SRGAP3: variants seen among roughly 807,000 people sequenced by gnomAD.
SRGAP3 encodes SLIT-ROBO Rho GTPase-activating protein 3.
SRGAP3 carries 39 observed loss-of-function variants against 121.1 expected under a neutral mutation model. That is an observed-to-expected ratio of 0.32 (90% CI 0.25 to 0.42). The LOEUF is 0.42. Ranked by LOEUF, SRGAP3 falls within the 10% of genes least tolerant of loss-of-function variation. SRGAP3 has a pLI of 1.00. For missense variants in SRGAP3, 1,213 were observed against 1,470.6 expected, an observed-to-expected ratio of 0.82 and a Z score of 2.86; for synonymous variants, 601 against 570.0, an observed-to-expected ratio of 1.05 and a Z score of -0.77.
intron 11 of SRGAP3, 29 bp from the exon 12 acceptor site, chr3:9,032,781 A>C: frequency 6.3e-7 from 1 of 1,590,852 alleles, no homozygotes; most frequent in Non-Finnish European, 8.6e-7. Flanking sequence ...AAAGAAATCA[A>C]GAAAGCAACC....
chr3:9,110,771 A>T (rs551776766), intron 2 of SRGAP3, among the ~76,000 whole-genome samples: 3 of 152,392 alleles, frequency 2.0e-5, no homozygotes, highest in African/African-American at 7.2e-5. Context: ...AACTGTCCAC[A>T]GCCAGGGTCA....
chr3:8,992,686 T>TG (rs1228959960), intron 20 of SRGAP3: 1 of 668,148 alleles, frequency 1.5e-6, no homozygotes, highest in Non-Finnish European at 2.6e-6. Context: ...TCCCAACACA[T>TG]GTCTTTCCTC....
chr3:9,079,927 C>A, intron 4 of SRGAP3, 98 bp downstream of exon 4: 1 of 1,351,792 alleles, frequency 7.4e-7, no homozygotes, highest in Non-Finnish European at 1.0e-6. Flanking sequence ...CAAAAAAGGC[C>A]TGGGGTCATT....
intron 3 of SRGAP3, among the ~76,000 whole-genome samples, chr3:9,281,985 A>G (rs1025264293): frequency 2.6e-5 from 4 of 152,192 alleles, no homozygotes; most frequent in Non-Finnish European, 1.5e-5. Flanking sequence ...TATTATTATT[A>G]ATGGCAAAGC....
chr3:9,336,444 G>C (rs1955695909), intron 1 of SRGAP3, among the ~76,000 whole-genome samples: 1 of 152,044 alleles, frequency 6.6e-6, no homozygotes. Context: ...CAAACTCCTG[G>C]CCTCAAGTCA....
chr3:9,216,825 C>A (rs538730860), intron 1 of SRGAP3: 117 of 152,714 alleles, frequency 7.7e-4, no homozygotes, highest in African/African-American at 2.5e-3. Context: ...TGGGATATTA[C>A]TCCGCCTTAA....
chr3:8,992,131 C>T (rs2124934712), intron 20 of SRGAP3, among the ~76,000 whole-genome samples: 1 of 152,258 alleles, frequency 6.6e-6, no homozygotes, highest in Middle Eastern at 3.4e-3. Context: ...TGTGTGTTCC[C>T]ACTGTGACTG....
chr3:9,064,937 G>C (rs778782613), intron 4 of SRGAP3, among the ~76,000 whole-genome samples: 9 of 152,178 alleles, frequency 5.9e-5, no homozygotes, highest in Non-Finnish European at 1.0e-4. Flanking sequence ...TCTGGGGACT[G>C]TCAGACGTGA....
chr3:9,059,810 C>T (rs1367184563), intron 6 of SRGAP3: 4 of 297,120 alleles, frequency 1.3e-5, no homozygotes, highest in African/African-American at 6.5e-5. Flanking sequence ...CGCATGTACA[C>T]GTGTCTGGCT....
At chr3:9,118,662 C>T (rs1367891287) in intron 2 of SRGAP3, among the ~76,000 whole-genome samples, 4 of 150,622 alleles carry the variant, frequency 2.7e-5, no homozygotes, top group East Asian at 2.0e-4. Flanking sequence ...CAGACTCCCC[C>T]AGGGGGCTTG....
At chr3:8,994,094 C>A (rs557487072) in intron 19 of SRGAP3, 7 of 521,932 alleles carry the variant, frequency 1.3e-5, no homozygotes, top group South Asian at 9.8e-5. Context: ...GGGCTGTCAG[C>A]TGCATCAGGA....
At chr3:9,243,250 G>A (rs544580828) in intron 1 of SRGAP3, among the ~76,000 whole-genome samples, 17 of 152,146 alleles carry the variant, frequency 1.1e-4, no homozygotes, top group Admixed American at 3.9e-4. Context: ...AAGTATTTGA[G>A]GCAAATAGGA....
chr3:9,043,688 G>C (rs931951559), intron 10 of SRGAP3, among the ~76,000 whole-genome samples: 14 of 152,040 alleles, frequency 9.2e-5, no homozygotes, highest in African/African-American at 2.7e-4. Context: ...GAGACCTGTT[G>C]GGATTTTAAA....
chr3:9,299,064 A>G (rs1222191773), intron 3 of SRGAP3, among the ~76,000 whole-genome samples: 2 of 149,870 alleles, frequency 1.3e-5, no homozygotes, highest in Non-Finnish European at 3.0e-5. Flanking sequence ...AAAAAAAAAA[A>G]AAAAAAGAAA....
chr3:9,056,373 C>T, intron 7 of SRGAP3, 39 bp from the exon 8 acceptor site: 2 of 1,598,480 alleles, frequency 1.3e-6, no homozygotes, highest in Non-Finnish European at 8.5e-7. Context: ...TTGCCCTGTG[C>T]CCTCCTCACC....
intron 1 of SRGAP3, among the ~76,000 whole-genome samples, chr3:9,144,867 C>T (rs1949972920): frequency 6.6e-6 from 1 of 152,182 alleles, no homozygotes; most frequent in Non-Finnish European, 1.5e-5. Context: ...AGTAACTACC[C>T]TATGGTTTTG....
chr3:9,213,899 C>CCTGG (rs931070135), intron 1 of SRGAP3, among the ~76,000 whole-genome samples: 2 of 152,174 alleles, frequency 1.3e-5, no homozygotes, highest in Non-Finnish European at 2.9e-5. Context: ...GCTTCCCAGG[C>CCTGG]CTGGATTCTC....
chr3:9,307,119 C>A (rs546702216), intron 3 of SRGAP3, among the ~76,000 whole-genome samples: 1 of 152,144 alleles, frequency 6.6e-6, no homozygotes, highest in South Asian at 2.1e-4. Flanking sequence ...ACTAGAGGCA[C>A]GTGCCATCAC....
Position 9,026,866 on chromosome 3 carries a change from T to C in SRGAP3, c.1600+69A>G, listed in dbSNP as rs150366594. 1.1e-4 allele frequency: 164 copies of C among 1,554,866 alleles called. No individual in the cohort carries two copies. In the East Asian group the frequency reaches 3.0e-3, roughly 28 times the overall value. ...TCTTCCAGGACAAATTAGAATCTCATTTCCTATCAGAACAGCCTAGCACCT... is the reference window on the plus strand; with the variant it reads ...TCTTCCAGGACAAATTAGAATCTCACTTCCTATCAGAACAGCCTAGCACCT... On this transcript the variant is annotated intron_variant, in intron 13 of 21. Transcript: ENST00000383836.
Sources: allele counts gnomAD v4.1 joint callset (sites outside exome capture counted in the v4.1 genomes callset), GRCh38; gene constraint gnomAD v4.1.1; transcripts MANE v1.5; gene names NCBI Gene and HGNC (gene_info 2026-07-23, HGNC 2026-07-21).